Variants in UGT1A6 observed in about 807,000 individuals in gnomAD.
The protein encoded by UGT1A6 is UDP glucuronosyltransferase family 1 member A6.
UGT1A6 carries 32 observed loss-of-function variants against 44.4 expected under a neutral mutation model. The observed-to-expected ratio is 0.72, with a 90% confidence interval of 0.54 to 0.97. The LOEUF (loss-of-function observed/expected upper bound fraction) is 0.97, where lower values mean the gene tolerates loss of function less well. Ranked by LOEUF, UGT1A6 falls within the 50% of genes least tolerant of loss-of-function variation. The pLI, the probability that UGT1A6 is intolerant of heterozygous loss-of-function variation, is 0.00. For missense variants in UGT1A6, 685 were observed against 661.9 expected (o/e 1.03, Z -0.38); for synonymous variants, 238 against 248.5 (o/e 0.96, Z 0.40).
chr2:233,736,555 T>G (rs905446962), intron 1 of UGT1A6, among the ~76,000 whole-genome samples: 2 of 152,246 alleles, frequency 1.3e-5, no homozygotes, highest in African/African-American at 4.8e-5. Flanking sequence ...GCTCCATTGC[T>G]AGCAAGGAGC....
chr2:233,723,771 G>A (rs1183544101), intron 1 of UGT1A6, among the ~76,000 whole-genome samples: 1 of 58,926 alleles, frequency 1.7e-5, no homozygotes, highest in Non-Finnish European at 2.9e-5. Flanking sequence ...GTTTAACAAA[G>A]CACATCTTGC....
Position 233,767,180 on chromosome 2 carries a change from T to C in UGT1A6, c.993+15T>C, listed in dbSNP as rs4148327. 1,996 of 1,614,008 alleles carry C rather than the reference T, an allele frequency of 1.2e-3. 35 individuals are homozygous for C. In the East Asian group the frequency reaches 0.04, roughly 32 times the overall value. On this transcript the variant is annotated intron_variant, in intron 2 of 4. Transcript: ENST00000305139. Reference sequence around the variant, plus strand: ...TCCCTCAGACAGTAAGAAGATTCTATACCATGGCCTCATATCTATTTTCAC... The same window carrying C: ...TCCCTCAGACAGTAAGAAGATTCTACACCATGGCCTCATATCTATTTTCAC...
At chr2:233,695,314 C>T (rs1256525000) in intron 1 of UGT1A6, among the ~76,000 whole-genome samples, 2 of 151,660 alleles carry the variant, frequency 1.3e-5, no homozygotes, top group Non-Finnish European at 2.9e-5. Context: ...TTAGTAGAGG[C>T]GGGGTTTCAC....
At chr2:233,743,161 G>A in intron 1 of UGT1A6, 1 of 361,140 alleles carries the variant, frequency 2.8e-6, no homozygotes, top group South Asian at 2.1e-5. Flanking sequence ...TCCTCCAGAT[G>A]TGCTTAAAGT....
At chr2:233,743,056 A>G (rs955838724) in intron 1 of UGT1A6, 3 of 325,656 alleles carry the variant, frequency 9.2e-6, no homozygotes, top group African/African-American at 6.5e-5. Context: ...AGTCCCAACG[A>G]TAAGAACAGG....
chr2:233,752,739 T>C (rs1241633720), intron 1 of UGT1A6, among the ~76,000 whole-genome samples: 1 of 152,224 alleles, frequency 6.6e-6, no homozygotes, highest in East Asian at 1.9e-4. Context: ...AGAGAGACCC[T>C]GTCTCTAAAA....
chr2:233,765,544 G>A (rs148810143), intron 1 of UGT1A6, among the ~76,000 whole-genome samples: 5,118 of 152,186 alleles, frequency 0.034, 277 homozygotes, highest in African/African-American at 0.12. Context: ...CTCATAAGTG[G>A]GAGTTGAACA....
chr2:233,705,918 T>C (rs1302424656), intron 1 of UGT1A6, among the ~76,000 whole-genome samples: 1 of 152,048 alleles, frequency 6.6e-6, no homozygotes, highest in East Asian at 1.9e-4. Flanking sequence ...TGAAACTCCT[T>C]CTCTACTAAA....
chr2:233,741,522 A>C (rs1173490557), intron 1 of UGT1A6: 1 of 151,908 alleles, frequency 6.6e-6, no homozygotes, highest in African/African-American at 2.4e-5. Flanking sequence ...AAGCCTTAAC[A>C]GTCTGTCTTA....
chr2:233,699,516 T>G (rs368218904), intron 1 of UGT1A6, among the ~76,000 whole-genome samples: 7 of 152,210 alleles, frequency 4.6e-5, no homozygotes, highest in African/African-American at 1.7e-4. Flanking sequence ...TGTTCAAGCC[T>G]TCCGAAGGAC....
intron 1 of UGT1A6, among the ~76,000 whole-genome samples, chr2:233,710,138 A>G (rs1223518956): frequency 6.6e-6 from 1 of 152,228 alleles, no homozygotes; most frequent in Non-Finnish European, 1.5e-5. Context: ...ATTTCATTGT[A>G]TAGATATATC....
intron 1 of UGT1A6, among the ~76,000 whole-genome samples, chr2:233,761,552 A>T (rs1697800499): frequency 6.6e-6 from 1 of 152,250 alleles, no homozygotes; most frequent in Admixed American, 6.5e-5. Context: ...TGATGATGAT[A>T]GATCCTGGAA....
intron 1 of UGT1A6, chr2:233,719,816 T>A: frequency 6.3e-7 from 1 of 1,580,710 alleles, no homozygotes; most frequent in Non-Finnish European, 8.6e-7. Context: ...TTATAACAGA[T>A]AAACTGTTGA....
In UGT1A6 at chr2:233,772,897, C is replaced by T. The variant is rs1320013324; in HGVS notation, c.*338C>T. 6.1e-6 allele frequency: 3 copies of T among 493,984 alleles called. No homozygotes were observed. Among genetic ancestry groups the T allele is most frequent in the Non-Finnish European group, 9.8e-6 (3 of 304,676 alleles). The allele number at this position is 493,984 out of a possible 1,614,324, so 30.6% of individuals were successfully genotyped here. A position where few individuals can be genotyped will look rare whatever the true frequency, so the allele number is the denominator to read the frequency against. ...AGTGCGGGATTCAAAGGTGGTCCCA[C>T]GGCTGCCCCTACTGCAAATGGCAGT... On this transcript the variant is annotated 3_prime_UTR_variant, in exon 5 of 5. Coordinates refer to ENST00000305139, the MANE Select transcript of UGT1A6 (RefSeq NM_001072.4).
At chr2:233,744,484 GC>G (rs2125863541) in intron 1 of UGT1A6, among the ~76,000 whole-genome samples, 1 of 151,978 alleles carries the variant, frequency 6.6e-6, no homozygotes, top group Non-Finnish European at 1.5e-5. Context: ...TATTAATTGG[GC>G]AATTTAGTAA....
chr2:233,723,612 A>G (rs2077104737), intron 1 of UGT1A6, among the ~76,000 whole-genome samples: 1 of 100,308 alleles, frequency 1.0e-5, no homozygotes, highest in Admixed American at 1.1e-4. Context: ...ACAATAGTGG[A>G]GGGAAGGTCA....
In UGT1A6 at chr2:233,743,065, G is replaced by A. The variant is rs916889730; in HGVS notation, c.862-23969G>A. Reference sequence around the variant, plus strand: ...CCGTGTAGTCCCAACGATAAGAACAGGTGTTGGCATGAAGTGTTTATAAAT... The same window carrying A: ...CCGTGTAGTCCCAACGATAAGAACAAGTGTTGGCATGAAGTGTTTATAAAT... On this transcript the variant is annotated intron_variant, in intron 1 of 4. Coordinates refer to ENST00000305139, the MANE Select transcript of UGT1A6 (RefSeq NM_001072.4). 1.2e-5 allele frequency: 4 copies of A among 339,690 alleles called. No homozygotes were observed. The Admixed American group carries it at 1.2e-4, about 10-fold the overall frequency. The allele number at this position is 339,690 out of a possible 1,614,324, so 21.0% of individuals were successfully genotyped here.
rs28900404 is a variant in UGT1A6, at chr2:233,769,354, G to A, written c.1301+915G>A. ...TTATTAGAACCTTATGGGAAGAAGT[G>A]GTGGCCAGTGGTAGATTTCATCCGA... On this transcript the variant is annotated intron_variant, in intron 4 of 4. Transcript: ENST00000305139. This position sits in a 1 kb window ranked among gnomAD's most constrained non-coding sequence, Gnocchi z 4.4. Among the ~76,000 whole-genome samples the A allele has an allele frequency of 7.2e-4, 110 of 152,348 alleles. No individual in the cohort carries two copies. The highest frequency in any genetic ancestry group is 2.6e-3 in the African/African-American group (108 of 41,580).
In UGT1A6 at chr2:233,769,879, A is replaced by C; in HGVS notation, c.1301+1440A>C. 5 of 413,904 alleles carry C rather than the reference A, an allele frequency of 1.2e-5. No individual in the cohort carries two copies. The highest frequency in any genetic ancestry group is 4.6e-5 in the East Asian group (1 of 21,696). 25.6% of individuals were successfully genotyped at this position (413,904 alleles called of 1,614,324 possible). ...TCTCAAAAAAAAAAAAAAAAATGAA[A>C]AGTCCACATAACCTGAGCATCATGT... On this transcript the variant is annotated intron_variant, in intron 4 of 4. Coordinates refer to ENST00000305139, the MANE Select transcript of UGT1A6 (RefSeq NM_001072.4). The surrounding 1 kb of genome is among the most constrained non-coding windows in gnomAD (Gnocchi z 4.4).
Sources: gnomAD v4.1 joint callset for allele counts (sites outside exome capture counted in the v4.1 genomes callset) on GRCh38, gnomAD v4.1.1 for gene constraint, Gnocchi (gnomAD v3.1) non-coding constraint, MANE v1.5 for transcripts, NCBI Gene and HGNC (gene_info 2026-07-23, HGNC 2026-07-21) for gene names.